Variants in TRANK1 observed in about 807,000 individuals in gnomAD.
The protein encoded by TRANK1 is tetratricopeptide repeat and ankyrin repeat containing 1, also known as TPR and ankyrin repeat-containing protein 1.
Under a neutral mutation model 266.0 loss-of-function variants are expected in TRANK1, and 198 were observed. That is an observed-to-expected ratio of 0.74 (90% CI 0.66 to 0.84). The LOEUF (loss-of-function observed/expected upper bound fraction) is 0.84. Ranked by LOEUF, TRANK1 falls within the 40% of genes least tolerant of loss-of-function variation. The pLI, the probability that TRANK1 is intolerant of heterozygous loss-of-function variation, is 0.00. For synonymous variants in TRANK1, 1,396 were observed against 1,384.1 expected (o/e 1.01, Z -0.19); for missense variants, 3,326 against 3,634.6 (o/e 0.92, Z 2.18).
chr3:36,899,339 A>G, intron 3 of TRANK1, 80 bp from the exon 4 acceptor site: 2 of 1,456,744 alleles, frequency 1.4e-6, no homozygotes, highest in South Asian at 1.3e-5. Flanking sequence ...AAAATTGGCA[A>G]CATGGGAAAT....
chr3:36,891,703 T>C (rs1316115720), intron 7 of TRANK1, among the ~76,000 whole-genome samples: 2 of 152,236 alleles, frequency 1.3e-5, no homozygotes, highest in Non-Finnish European at 2.9e-5. Flanking sequence ...TTCATGAAAA[T>C]AGCAGTCCTT....
intron 2 of TRANK1, among the ~76,000 whole-genome samples, chr3:36,907,226 C>T (rs1301012767): frequency 6.6e-6 from 1 of 152,228 alleles, no homozygotes; most frequent in Non-Finnish European, 1.5e-5. Flanking sequence ...TCTCGGCTCG[C>T]TGTAACATCT....
In TRANK1 at chr3:36,913,703, A is replaced by C. The variant is rs140154036; in HGVS notation, c.24-5249T>G. On this transcript the variant is annotated intron_variant, in intron 1 of 23. Coordinates refer to ENST00000645898, the MANE Select transcript of TRANK1 (RefSeq NM_001329998.2). ...CAAGAAGAACAGGAATTTTCTTAAGAAACTCACTCAAAATATTTCATAAGG... is the reference window on the plus strand; with the variant it reads ...CAAGAAGAACAGGAATTTTCTTAAGCAACTCACTCAAAATATTTCATAAGG... 7.8e-4 allele frequency among the ~76,000 whole-genome samples: 118 copies of C among 152,226 alleles called. 1 individual carries two copies. The highest frequency in any genetic ancestry group is 2.5e-3 in the South Asian group (12 of 4,828).
intron 1 of TRANK1, among the ~76,000 whole-genome samples, chr3:36,939,615 G>T (rs1398292966): frequency 6.6e-6 from 1 of 152,080 alleles, no homozygotes; most frequent in East Asian, 1.9e-4. Context: ...TGGACTCCTT[G>T]TCTCCTCACA....
At chr3:36,834,189 T>A (rs1284705126) in intron 21 of TRANK1, among the ~76,000 whole-genome samples, 1 of 152,220 alleles carries the variant, frequency 6.6e-6, no homozygotes, top group Non-Finnish European at 1.5e-5. Context: ...CTCAAACAAG[T>A]GGGAGTGAAA....
intron 1 of TRANK1, among the ~76,000 whole-genome samples, chr3:36,909,681 G>A (rs2080023772): frequency 6.6e-6 from 1 of 152,106 alleles, no homozygotes; most frequent in African/African-American, 2.4e-5. Context: ...CCAAGTAAGG[G>A]GTCAGAGGGG....
chr3:36,851,488 G>C, intron 15 of TRANK1: 1 of 1,251,962 alleles, frequency 8.0e-7, no homozygotes, highest in Non-Finnish European at 1.0e-6. Context: ...AGCCAAAGAA[G>C]GGCAGGGCAC....
At chr3:36,879,260 T>C (rs2079437334) in intron 8 of TRANK1, among the ~76,000 whole-genome samples, 1 of 151,864 alleles carries the variant, frequency 6.6e-6, no homozygotes. Flanking sequence ...CAAGTTATGA[T>C]TAATGACTAT....
chr3:36,860,673 A>G (rs2079129640), intron 11 of TRANK1, among the ~76,000 whole-genome samples: 1 of 151,506 alleles, frequency 6.6e-6, no homozygotes, highest in South Asian at 2.1e-4. Context: ...TGTTTCCCAT[A>G]CAAAAGAGAA....
Position 36,874,316 on chromosome 3 carries a change from G to A in TRANK1, c.908-20C>T. ...TTTGTCCTAGGGCAGGCCAAAATGA[G>A]AAGGGGTGTTTGTCATGGTTCCTTC... On this transcript the variant is annotated intron_variant, in intron 8 of 23. Coordinates refer to ENST00000645898, the MANE Select transcript of TRANK1 (RefSeq NM_001329998.2). 5 of 1,534,082 alleles carry A rather than the reference G, an allele frequency of 3.3e-6. No homozygotes were observed. The highest frequency in any genetic ancestry group is 3.5e-6 in the Non-Finnish European group (4 of 1,145,608).
chr3:36,920,610 A>G (rs2080201248), intron 1 of TRANK1, among the ~76,000 whole-genome samples: 1 of 152,206 alleles, frequency 6.6e-6, no homozygotes, highest in Non-Finnish European at 1.5e-5. Context: ...CCAGTGTGGA[A>G]GTGAAGCTGT....
chr3:36,847,030 T>C (rs539105115), intron 16 of TRANK1, among the ~76,000 whole-genome samples, 170 bp downstream of exon 16: 12 of 152,202 alleles, frequency 7.9e-5, no homozygotes, highest in African/African-American at 2.9e-4. Context: ...CTAAAAAAAA[T>C]GGAATTTACC....
Position 36,884,935 on chromosome 3 carries a change from A to G in TRANK1, c.907+4894T>C, listed in dbSNP as rs201077406. Among the ~76,000 whole-genome samples, 68 of 68,928 alleles carry G rather than the reference A, an allele frequency of 9.9e-4. 1 individual carries two copies. In the Admixed American group the frequency reaches 0.01, roughly 10 times the overall value. 45.2% of individuals were successfully genotyped at this position (68,928 alleles called of 152,430 possible). A position where few individuals can be genotyped will look rare whatever the true frequency, so the allele number is the denominator to read the frequency against. On this transcript the variant is annotated intron_variant, in intron 8 of 23. Transcript: ENST00000645898. ...AGACAGAGCAAGACTCTGTCTCAGA[A>G]AAAAAAAAAAAAAAATTAAACAATA...
rs202130797 is a variant in TRANK1 at position 36,918,544 on chromosome 3, A to G, written c.24-10090T>C. Among the ~76,000 whole-genome samples, 119 of 58,382 alleles carry G rather than the reference A, an allele frequency of 2.0e-3. 3 individuals carry two copies. The highest frequency in any genetic ancestry group is 7.0e-3 in the African/African-American group (106 of 15,122). The allele number at this position is 58,382 out of a possible 152,430, so 38.3% of individuals were successfully genotyped here. On this transcript the variant is annotated intron_variant, in intron 1 of 23. Transcript: ENST00000645898. ...GAAAGAAAGAAAGAAGGAAGGAAGGAAGGAAGGAAGGAAGGAAGGTAGGAA... is the reference window on the plus strand; with the variant it reads ...GAAAGAAAGAAAGAAGGAAGGAAGGGAGGAAGGAAGGAAGGAAGGTAGGAA...
intron 6 of TRANK1, among the ~76,000 whole-genome samples, chr3:36,892,650 G>A (rs987239612): frequency 2.0e-5 from 3 of 152,018 alleles, no homozygotes; most frequent in African/African-American, 4.8e-5. Flanking sequence ...CCAACATGGC[G>A]AAACCCCATC....
rs116739910 is a variant in TRANK1, at chr3:36,828,877, G to A, written c.8810-502C>T. On this transcript the variant is annotated intron_variant, in intron 23 of 23. Transcript: ENST00000645898. ...AGATTTTTTATTGGCACAGACATTTGTGCCAAGTCCCTTCAAGTTTTCCCC... is the reference window on the plus strand; with the variant it reads ...AGATTTTTTATTGGCACAGACATTTATGCCAAGTCCCTTCAAGTTTTCCCC... Among the ~76,000 whole-genome samples, 1,365 of 152,266 alleles carry A rather than the reference G, an allele frequency of 9.0e-3. 18 individuals are homozygous for A. The highest frequency in any genetic ancestry group is 0.031 in the African/African-American group (1,299 of 41,534).
At position 36,839,730 on chromosome 3, in the gene TRANK1, A is replaced by G. The variant is rs545008799; in HGVS notation, c.5281-1014T>C. Among the ~76,000 whole-genome samples the G allele has an allele frequency of 2.0e-5, 3 of 152,314 alleles. 1 individual carries two copies. Among genetic ancestry groups the G allele is most frequent in the South Asian group, 4.1e-4 (2 of 4,824 alleles). Reference sequence around the variant, plus strand: ...TGGTCTCTCATCTGTGACACCTGCAACAGCTGCAGCTGTGCATTGGTCTAT... The same window carrying G: ...TGGTCTCTCATCTGTGACACCTGCAGCAGCTGCAGCTGTGCATTGGTCTAT... On this transcript the variant is annotated intron_variant, in intron 18 of 23. Coordinates refer to ENST00000645898, the MANE Select transcript of TRANK1 (RefSeq NM_001329998.2).
chr3:36,865,095 T>C (rs916898050), intron 9 of TRANK1, among the ~76,000 whole-genome samples: 1 of 144,156 alleles, frequency 6.9e-6, no homozygotes, highest in African/African-American at 2.6e-5. Context: ...TGGCATGATC[T>C]CCACTCACTG....
chr3:36,832,928 T>G lies in TRANK1; in HGVS notation c.6655A>C (p.Lys2219Gln). ...FHRPLRRCEA[K>Q]CLVQSKMNLV... ...TTCATTTTCGACTGAACTAAACACT[T>G]GGCTTCACAACGCCGCAGAGGCCTG... is the stretch of plus-strand genomic sequence containing the variant. Residue 2219 changes from lysine (K) to glutamine (Q), a missense_variant, in exon 22 of 24, where the codon AAG becomes CAG. Lys to Gln is a moderately conservative substitution (Grantham distance 53). Coordinates refer to ENST00000645898, the MANE Select transcript of TRANK1 (RefSeq NM_001329998.2). The G allele has an allele frequency of 1.2e-6, 2 of 1,613,442 alleles. No individual in the cohort carries two copies. Among genetic ancestry groups the G allele is most frequent in the Non-Finnish European group, 1.7e-6 (2 of 1,179,582 alleles).
Sources: gnomAD v4.1 joint callset for allele counts (sites outside exome capture counted in the v4.1 genomes callset) on GRCh38, gnomAD v4.1.1 for gene constraint, MANE v1.5 for transcripts, NCBI Gene and HGNC (gene_info 2026-07-23, HGNC 2026-07-21) for gene names.